Variants in C11orf65 observed in about 807,000 individuals in gnomAD.
The protein encoded by C11orf65 is protein MFI.
A neutral mutation model predicts 35.3 loss-of-function variants in C11orf65; 38 were observed. The ratio of observed to expected loss-of-function variants is 1.08; its 90% CI spans 0.83 to 1.41. The LOEUF is 1.41. C11orf65 is among the 40% of genes most tolerant of loss of function. The probability of loss-of-function intolerance (pLI) is 0.00; values close to 1 mark genes in which losing one functional copy is unlikely to be tolerated. For synonymous variants in C11orf65, 105 were observed against 114.4 expected (o/e 0.92, Z 0.53); for missense variants, 370 against 367.1 (o/e 1.01, Z -0.06).
exon 7 of C11orf65, chr11:108,308,958 A>G: frequency 1.4e-6 from 2 of 1,481,370 alleles, no homozygotes; most frequent in South Asian, 1.2e-5. Context: ...CCTTTGAGTC[A>G]TTCATTTCAG....
At chr11:108,362,403 G>T (rs1001103038) in intron 2 of C11orf65, among the ~76,000 whole-genome samples, 89 of 151,984 alleles carry the variant, frequency 5.9e-4, no homozygotes, top group Admixed American at 1.6e-3. Context: ...ATTCCTCAGG[G>T]ATCTAGAATT....
intron 3 of C11orf65, among the ~76,000 whole-genome samples, chr11:108,419,201 C>G (rs2092781722): frequency 6.6e-6 from 1 of 152,146 alleles, no homozygotes; most frequent in Admixed American, 6.5e-5. Context: ...TGCAGGAACA[C>G]AGGTGCAAAT....
rs186227768 is a variant in C11orf65, at chr11:108,456,721, G to C, written c.81+4758C>G. On this transcript the variant is annotated intron_variant, in intron 2 of 8. Transcript: ENST00000393084. ...GAGCCCAGGAGTTCAAGGTTACAGTGAACTGTGATCATGCAACTGCACTCT... is the reference window on the plus strand; with the variant it reads ...GAGCCCAGGAGTTCAAGGTTACAGTCAACTGTGATCATGCAACTGCACTCT... Among the ~76,000 whole-genome samples, 5 of 151,332 alleles carry C rather than the reference G, an allele frequency of 3.3e-5. No homozygotes were observed. The East Asian group carries it at 5.8e-4, about 18-fold the overall frequency.
chr11:108,393,011 T>C (rs1465090726), intron 7 of C11orf65, among the ~76,000 whole-genome samples, 197 bp downstream of exon 7: 2 of 152,230 alleles, frequency 1.3e-5, no homozygotes, highest in Admixed American at 1.3e-4. Flanking sequence ...TCTAATTTTC[T>C]GTTTACTATT....
At chr11:108,420,329 T>C (rs921321396) in intron 3 of C11orf65, among the ~76,000 whole-genome samples, 36 of 152,148 alleles carry the variant, frequency 2.4e-4, no homozygotes, top group Admixed American at 1.9e-3. Context: ...TCAATACCTA[T>C]GGAAGAAAGG....
Position 108,398,286 on chromosome 11 carries a change from T to C in C11orf65, c.561-4908A>G, listed in dbSNP as rs75077125. Reference sequence around the variant, plus strand: ...GAAAGAAAAGATCAGATTTGGGAGATATTTTGGAAGTGGAATTAATAGGAC... The same window carrying C: ...GAAAGAAAAGATCAGATTTGGGAGACATTTTGGAAGTGGAATTAATAGGAC... On this transcript the variant is annotated intron_variant, in intron 6 of 8. Coordinates refer to ENST00000393084, the MANE Select transcript of C11orf65 (RefSeq NM_152587.5). Among the ~76,000 whole-genome samples the C allele has an allele frequency of 4.4e-3, 673 of 152,146 alleles. 11 individuals carry two copies. The highest frequency in any genetic ancestry group is 0.037 in the East Asian group (190 of 5,172).
chr11:108,361,119 G>A (rs1248298757), intron 2 of C11orf65, among the ~76,000 whole-genome samples: 1 of 134,942 alleles, frequency 7.4e-6, no homozygotes, highest in African/African-American at 2.9e-5. Flanking sequence ...CAAAATCAAT[G>A]TACAAAAATC....
intron 8 of C11orf65, among the ~76,000 whole-genome samples, chr11:108,384,075 T>TAAAG: frequency 6.6e-6 from 1 of 152,238 alleles, no homozygotes. Flanking sequence ...TTGCCCAGGA[T>TAAAG]AGTCTTGAAC....
chr11:108,390,474 A>G (rs1243351530), intron 7 of C11orf65, among the ~76,000 whole-genome samples: 1 of 152,200 alleles, frequency 6.6e-6, no homozygotes, highest in African/African-American at 2.4e-5. Context: ...CAGTAATGAC[A>G]GAATATAGAA....
chr11:108,371,849 T>C (rs1490029967), intron 2 of C11orf65, among the ~76,000 whole-genome samples: 2 of 152,248 alleles, frequency 1.3e-5, no homozygotes, highest in Non-Finnish European at 2.9e-5. Flanking sequence ...AACTCCACCA[T>C]CAGTGCACAA....
rs2085430228 is a variant in C11orf65, at chr11:108,324,098, T to C, written c.641-15027A>G. On this transcript the variant is annotated intron_variant, in intron 6 of 6. Coordinates refer to the C11orf65 transcript ENST00000525729. The stretch of plus-strand genomic sequence containing the variant: ...GAATAGGGTATAACACTTATTTACA[T>C]AGCATTTACATTATAGTAGGTATAA... Among the ~76,000 whole-genome samples the C allele has an allele frequency of 2.0e-5, 3 of 152,154 alleles. No individual in the cohort carries two copies. In the South Asian group the frequency reaches 6.2e-4, roughly 32 times the overall value.
chr11:108,458,875 T>A (rs1591614618), intron 2 of C11orf65, among the ~76,000 whole-genome samples: 1 of 152,126 alleles, frequency 6.6e-6, no homozygotes, highest in Admixed American at 6.5e-5. Flanking sequence ...GAAAGTGGTA[T>A]CTCACTCAAT....
chr11:108,347,196 A>G, intron 2 of C11orf65: 3 of 1,036,766 alleles, frequency 2.9e-6, no homozygotes, highest in Non-Finnish European at 4.6e-6. Context: ...ATACCAAGTC[A>G]GTGGTCTTAA....
intron 6 of C11orf65, chr11:108,309,089 G>T: frequency 7.2e-7 from 1 of 1,382,020 alleles, no homozygotes; most frequent in South Asian, 1.2e-5. Context: ...AAGTATGAAT[G>T]GGATATAGAA....
At chr11:108,415,505 C>T (rs1261812017) in intron 3 of C11orf65, among the ~76,000 whole-genome samples, 1 of 152,122 alleles carries the variant, frequency 6.6e-6, no homozygotes, top group East Asian at 1.9e-4. Flanking sequence ...TAGGAAGACT[C>T]AATATTGTCA....
At chr11:108,444,939 G>A (rs755038334) in intron 2 of C11orf65, among the ~76,000 whole-genome samples, 1 of 152,220 alleles carries the variant, frequency 6.6e-6, no homozygotes, top group South Asian at 2.1e-4. Context: ...CTTAAAAAAC[G>A]GCACACCAGG....
In C11orf65 at chr11:108,436,236, C is replaced by T. The variant is rs184301812; in HGVS notation, c.82-4398G>A. Among the ~76,000 whole-genome samples, 1,403 of 152,228 alleles carry T rather than the reference C, an allele frequency of 9.2e-3. 9 individuals are homozygous for T. Among genetic ancestry groups the T allele is most frequent in the Non-Finnish European group, 0.014 (919 of 68,006 alleles). On this transcript the variant is annotated intron_variant, in intron 2 of 8. Transcript: ENST00000393084. The stretch of plus-strand genomic sequence containing the variant: ...CCAGAGAGAACACAAGCTCTGCTGA[C>T]GCTTGATTTTAGCCCAGTGAAGCCC...
At chr11:108,458,355 C>CAAAAAA (rs755107073) in intron 2 of C11orf65, among the ~76,000 whole-genome samples, 1 of 35,830 alleles carries the variant, frequency 2.8e-5, no homozygotes, top group African/African-American at 1.2e-4. Context: ...GACTCTGTCT[C>CAAAAAA]AAAAAAAAAA....
chr11:108,368,719 G>A (rs2091455896), intron 2 of C11orf65: 1 of 214,894 alleles, frequency 4.7e-6, no homozygotes, highest in Non-Finnish European at 9.4e-6. Context: ...CCAGATTAAG[G>A]GAGATAATAG....
Sources: allele counts gnomAD v4.1 joint callset (sites outside exome capture counted in the v4.1 genomes callset), GRCh38; gene constraint gnomAD v4.1.1; transcripts MANE v1.5; gene names NCBI Gene and HGNC (gene_info 2026-07-23, HGNC 2026-07-21).